The following BMPR1B variants were observed in gnomAD, a reference collection of about 807,000 sequenced individuals.
BMPR1B encodes the protein bone morphogenetic protein receptor type-1B.
Under a neutral mutation model 59.1 loss-of-function variants are expected in BMPR1B, and 12 were observed. The observed-to-expected ratio is 0.20, with a 90% confidence interval of 0.13 to 0.33. The LOEUF (loss-of-function observed/expected upper bound fraction) is 0.33. Ranked by LOEUF, BMPR1B falls within the 10% of genes least tolerant of loss-of-function variation. The pLI, the probability that BMPR1B is intolerant of heterozygous loss-of-function variation, is 1.00. For synonymous variants in BMPR1B, 237 were observed against 207.3 expected (o/e 1.14, Z -1.23); for missense variants, 550 against 610.9 (o/e 0.90, Z 1.05).
At chr4:94,900,617 A>T (rs576770115) in intron 2 of BMPR1B, among the ~76,000 whole-genome samples, 1 of 152,154 alleles carries the variant, frequency 6.6e-6, no homozygotes, top group African/African-American at 2.4e-5. Context: ...TTTGTTCAAG[A>T]GTACAGATAT....
intron 3 of BMPR1B, among the ~76,000 whole-genome samples, chr4:95,005,511 C>G (rs1294781543): frequency 6.6e-6 from 1 of 152,114 alleles, no homozygotes; most frequent in African/African-American, 2.4e-5. Flanking sequence ...CCCACCCACC[C>G]AGCCAGGAGC....
At chr4:94,818,548 TA>T (rs1035332167) in intron 1 of BMPR1B, among the ~76,000 whole-genome samples, 28 of 152,316 alleles carry the variant, frequency 1.8e-4, no homozygotes, top group Middle Eastern at 3.4e-3. Flanking sequence ...GTGCTTAGAT[TA>T]AAGCAGTGAC....
chr4:94,773,601 G>C (rs1429418923), intron 1 of BMPR1B, among the ~76,000 whole-genome samples: 1 of 152,020 alleles, frequency 6.6e-6, no homozygotes, highest in African/African-American at 2.4e-5. Flanking sequence ...TAAGGCAGTT[G>C]TTGAAACGAT....
chr4:95,018,407 C>G (rs967327042), intron 3 of BMPR1B, among the ~76,000 whole-genome samples: 13 of 152,114 alleles, frequency 8.5e-5, no homozygotes, highest in African/African-American at 1.4e-4. Flanking sequence ...GCCATTTACT[C>G]TACTTGCTTT....
rs753332434 is a variant in BMPR1B at position 95,125,022 on chromosome 4, G to A, written c.486G>A (p.Gly162=). The A allele has an allele frequency of 1.2e-6, 2 of 1,613,566 alleles. No individual in the cohort carries two copies. Among genetic ancestry groups the A allele is most frequent in the South Asian group, 1.1e-5 (1 of 91,066 alleles). ...RQETRPRYSI[G]LEQDETYIPP... Reference sequence around the variant, plus strand: ...AAACCAGACCTCGATACAGCATTGGGTTAGAACAGGATGAAACTTACATTC... The same window carrying A: ...AAACCAGACCTCGATACAGCATTGGATTAGAACAGGATGAAACTTACATTC... The change falls in exon 8 of 13, where the codon GGG becomes GGA. Residue 162 remains glycine (G), a synonymous_variant. Coordinates refer to ENST00000515059, the MANE Select transcript of BMPR1B (RefSeq NM_001203.3).
chr4:94,896,670 T>C (rs1727599134), intron 2 of BMPR1B, among the ~76,000 whole-genome samples: 1 of 152,040 alleles, frequency 6.6e-6, no homozygotes, highest in Non-Finnish European at 1.5e-5. Context: ...TTTTTGCATG[T>C]TTTTAGGTAG....
chr4:94,917,277 G>C (rs535676688), intron 2 of BMPR1B, among the ~76,000 whole-genome samples: 2 of 152,286 alleles, frequency 1.3e-5, no homozygotes, highest in African/African-American at 4.8e-5. Context: ...TAAGAAGGGG[G>C]CTGCTCTCCT....
At chr4:94,794,625 A>G (rs1171375275) in intron 1 of BMPR1B, among the ~76,000 whole-genome samples, 4 of 148,400 alleles carry the variant, frequency 2.7e-5, no homozygotes, top group African/African-American at 7.7e-5. Context: ...GGCCACTTTC[A>G]CGATATTGAT....
chr4:95,092,717 T>A (rs1193629498), intron 3 of BMPR1B, among the ~76,000 whole-genome samples: 5 of 152,064 alleles, frequency 3.3e-5, no homozygotes, highest in Non-Finnish European at 7.4e-5. Context: ...TTTTCCAGGT[T>A]TTTTCTTTGG....
At chr4:95,063,196 T>C (rs1006519432) in intron 3 of BMPR1B, among the ~76,000 whole-genome samples, 2 of 152,168 alleles carry the variant, frequency 1.3e-5, no homozygotes, top group Admixed American at 6.6e-5. Flanking sequence ...TAGCTATTAA[T>C]AAACTAATAG....
At chr4:95,064,335 G>T (rs2149210049) in intron 3 of BMPR1B, among the ~76,000 whole-genome samples, 1 of 152,308 alleles carries the variant, frequency 6.6e-6, no homozygotes, top group African/African-American at 2.4e-5. Context: ...CCTGAGTTGT[G>T]CCTCCTGTCA....
chr4:95,049,283 A>T (rs1416930740), intron 3 of BMPR1B, among the ~76,000 whole-genome samples: 1 of 151,732 alleles, frequency 6.6e-6, no homozygotes, highest in East Asian at 1.9e-4. Flanking sequence ...CCAGCTAATT[A>T]AAAAAAATTA....
At chr4:95,021,107 G>T (rs17344975) in intron 3 of BMPR1B, among the ~76,000 whole-genome samples, 42,028 of 152,128 alleles carry the variant, frequency 0.28, 6,577 homozygotes, top group South Asian at 0.43. Flanking sequence ...ATGCAAGTAT[G>T]GAGTTGTATG....
intron 3 of BMPR1B, among the ~76,000 whole-genome samples, chr4:95,030,610 T>C (rs1724764995): frequency 6.6e-6 from 1 of 151,992 alleles, no homozygotes; most frequent in Non-Finnish European, 1.5e-5. Flanking sequence ...TGATTGTATA[T>C]CTAGAAAACC....
At chr4:94,981,477 A>G (rs1721082936) in intron 2 of BMPR1B, among the ~76,000 whole-genome samples, 1 of 152,050 alleles carries the variant, frequency 6.6e-6, no homozygotes, top group African/African-American at 2.4e-5. Context: ...TACCAGTGGA[A>G]CTCTTAGGAC....
intron 1 of BMPR1B, among the ~76,000 whole-genome samples, chr4:94,769,923 T>G (rs1379635897): frequency 3.9e-5 from 6 of 152,210 alleles, no homozygotes; most frequent in Admixed American, 2.6e-4. Context: ...GATTTTAGCT[T>G]CTTTTCTTCA....
intron 8 of BMPR1B, among the ~76,000 whole-genome samples, chr4:95,129,170 T>C (rs187177536): frequency 6.6e-6 from 1 of 152,312 alleles, no homozygotes; most frequent in African/African-American, 2.4e-5. Flanking sequence ...AGAGAGCATT[T>C]GTAATGAGGA....
intron 1 of BMPR1B, among the ~76,000 whole-genome samples, chr4:94,831,300 T>C (rs1724579290): frequency 2.0e-5 from 3 of 151,994 alleles, no homozygotes. Flanking sequence ...AATATTTTTG[T>C]ATAGCTGTAC....
chr4:95,117,033 A>G (rs1039332715), intron 6 of BMPR1B, among the ~76,000 whole-genome samples: 3 of 152,176 alleles, frequency 2.0e-5, no homozygotes, highest in African/African-American at 7.2e-5. Flanking sequence ...GAGTTAGATT[A>G]TAAAGTGTAT....
Sources: allele counts gnomAD v4.1 joint callset (sites outside exome capture counted in the v4.1 genomes callset), GRCh38; gene constraint gnomAD v4.1.1; transcripts MANE v1.5; gene names NCBI Gene and HGNC (gene_info 2026-07-23, HGNC 2026-07-21).